HSH2D: variants seen among roughly 807,000 people sequenced by gnomAD.
The protein encoded by HSH2D is hematopoietic SH2 domain-containing protein.
Under a neutral mutation model 21.5 loss-of-function variants are expected in HSH2D, and 16 were observed. That is an observed-to-expected ratio of 0.74 (90% confidence interval 0.50 to 1.13). The LOEUF is 1.13. HSH2D is among the 50% of genes most tolerant of loss of function. The pLI is 0.00. For missense variants in HSH2D, 418 were observed against 441.4 expected, an observed-to-expected ratio of 0.95 and a Z score of 0.47; for synonymous variants, 172 against 184.7, an observed-to-expected ratio of 0.93 and a Z score of 0.56.
Position 16,157,992 on chromosome 19 carries a change from A to G in HSH2D, c.*198A>G. ...TGGTTATTTTAGCAACAATCATCAGAGTGACGCTGATGGTTTGGGGCACCA... is the reference window on the plus strand; with the variant it reads ...TGGTTATTTTAGCAACAATCATCAGGGTGACGCTGATGGTTTGGGGCACCA... On this transcript the variant is annotated 3_prime_UTR_variant, in exon 6 of 6. Coordinates refer to ENST00000613986, the MANE Select transcript of HSH2D (RefSeq NM_001382417.1). The surrounding 1 kb of genome is among the most constrained non-coding windows in gnomAD (Gnocchi z 4.4). The G allele has an allele frequency of 1.8e-6, 1 of 544,594 alleles. No individual in the cohort carries two copies. Among genetic ancestry groups the G allele is most frequent in the Non-Finnish European group, 3.2e-6 (1 of 308,802 alleles). The allele number at this position is 544,594 out of a possible 1,614,324, so 33.7% of individuals were successfully genotyped here.
At chr19:16,147,062 G>T (rs1191792242) in intron 1 of HSH2D, among the ~76,000 whole-genome samples, 1 of 152,048 alleles carries the variant, frequency 6.6e-6, no homozygotes, top group Non-Finnish European at 1.5e-5. Flanking sequence ...CTGACCTCAG[G>T]TGATCCACCT....
intron 2 of HSH2D, among the ~76,000 whole-genome samples, chr19:16,151,914 T>C: frequency 7.2e-6 from 1 of 138,672 alleles, no homozygotes; most frequent in East Asian, 2.1e-4. Flanking sequence ...GAGACCAGCC[T>C]GGCCAACATG....
rs574799857 is a variant in HSH2D at position 16,134,866 on chromosome 19, A to G, written c.-324+631A>G. 2.2e-4 allele frequency among the ~76,000 whole-genome samples: 34 copies of G among 152,132 alleles called. 1 individual carries two copies. The highest frequency in any genetic ancestry group is 1.4e-3 in the Admixed American group (22 of 15,272). On this transcript the variant is annotated intron_variant, in intron 1 of 7. Transcript: ENST00000616645. ...GCTGGGGTGTGTGGCTTATGCCTATAATCCCAGTGCCTTGAGAGGCAGAGG... is the reference window on the plus strand; with the variant it reads ...GCTGGGGTGTGTGGCTTATGCCTATGATCCCAGTGCCTTGAGAGGCAGAGG...
rs36088948 is a variant in HSH2D at position 16,154,431 on chromosome 19, C to T, written c.414C>T (p.Leu138=). 106,674 of 1,551,406 alleles carry T rather than the reference C, an allele frequency of 0.069. 4,352 individuals carry two copies. Among genetic ancestry groups the T allele is most frequent in the African/African-American group, 0.14 (10,374 of 73,088 alleles). The part of the protein sequence containing the change: ...KDPANVDYED[L]FLYSNAVAEE... ...CCGCAAACGTGGATTACGAGGATCTCTTCCTCTACTCCAACGCAGTGGCCG... is the reference window on the plus strand; with the variant it reads ...CCGCAAACGTGGATTACGAGGATCTTTTCCTCTACTCCAACGCAGTGGCCG... Residue 138 remains leucine (L), a synonymous_variant, in exon 5 of 6, where the codon CTC becomes CTT. Coordinates refer to ENST00000613986, the MANE Select transcript of HSH2D (RefSeq NM_001382417.1).
At chr19:16,145,300 C>T (rs904026158) in intron 1 of HSH2D, among the ~76,000 whole-genome samples, 7 of 152,014 alleles carry the variant, frequency 4.6e-5, no homozygotes, top group Admixed American at 1.3e-4. Context: ...GCAACCTCCG[C>T]CTCCCAGATT....
upstream of HSH2D, among the ~76,000 whole-genome samples, chr19:16,140,148 G>C (rs2090990541): frequency 6.6e-6 from 1 of 151,870 alleles, no homozygotes; most frequent in South Asian, 2.1e-4. Context: ...GAAGTGAAGT[G>C]AAGTGAAGGC....
chr19:16,138,152 G>A (rs1269089509), intron 1 of HSH2D, among the ~76,000 whole-genome samples: 4 of 152,136 alleles, frequency 2.6e-5, no homozygotes, highest in Admixed American at 2.6e-4. Flanking sequence ...ACAGGTGTGA[G>A]CCACCGTGTC....
At chr19:16,144,848 A>T (rs1330018873) in intron 1 of HSH2D, among the ~76,000 whole-genome samples, 1 of 144,284 alleles carries the variant, frequency 6.9e-6, no homozygotes, top group Non-Finnish European at 1.5e-5. Flanking sequence ...GCCCGCCACC[A>T]CACCCAGCTA....
intron 2 of HSH2D, among the ~76,000 whole-genome samples, chr19:16,151,114 A>G (rs2091142821): frequency 6.6e-6 from 1 of 152,132 alleles, no homozygotes; most frequent in Admixed American, 6.6e-5. Flanking sequence ...ACCAGAGGTC[A>G]GGAGCTCGAG....
chr19:16,154,599 A>G (rs1397536802), intron 5 of HSH2D, 108 bp downstream of exon 5: 1 of 630,012 alleles, frequency 1.6e-6, no homozygotes, highest in Non-Finnish European at 2.8e-6. Context: ...ATGCGATCCT[A>G]CAGCTTGGTG....
chr19:16,135,144 C>T (rs569540191), intron 1 of HSH2D, among the ~76,000 whole-genome samples: 21 of 152,104 alleles, frequency 1.4e-4, no homozygotes, highest in African/African-American at 3.9e-4. Context: ...TGGTTGCACG[C>T]GCCTGTAGTC....
intron 4 of HSH2D, 149 bp from the exon 5 acceptor site, chr19:16,154,250 G>A: frequency 1.8e-6 from 1 of 540,792 alleles, no homozygotes; most frequent in Non-Finnish European, 3.3e-6. Context: ...CTGTGGGTGG[G>A]GCATATTTTC....
rs531173054 is a variant in HSH2D at position 16,157,334 on chromosome 19, G to A, written c.599G>A (p.Arg200His). 20 of 1,613,760 alleles carry A rather than the reference G, an allele frequency of 1.2e-5. 1 individual carries two copies. Among genetic ancestry groups the A allele is most frequent in the Admixed American group, 6.7e-5 (4 of 59,962 alleles). Residue 200 changes from arginine to histidine, a missense_variant, in exon 6 of 6, where the codon CGC (arginine) becomes CAC (histidine). Physicochemically the swap from Arg to His is conservative, Grantham distance 29. Transcript: ENST00000613986. This position sits in a 1 kb window ranked among gnomAD's most constrained non-coding sequence, Gnocchi z 4.4. Reference protein sequence around the residue: ...CPPKSPLGETRQKLWRSLKML... With the variant: ...CPPKSPLGETHQKLWRSLKML... Reference sequence around the variant, plus strand: ...CCAAAATCCCCTCTTGGAGAGACCCGCCAGAAACTCTGGAGGAGCCTCAAA... The same window carrying A: ...CCAAAATCCCCTCTTGGAGAGACCCACCAGAAACTCTGGAGGAGCCTCAAA...
chr19:16,139,937 G>A (rs1018923921), upstream of HSH2D: 1 of 152,216 alleles, frequency 6.6e-6, no homozygotes, highest in African/African-American at 2.4e-5. Flanking sequence ...GGGTGATTCT[G>A]TTGCGACATC....
At chr19:16,142,814 C>T (rs1331973522), upstream of HSH2D, among the ~76,000 whole-genome samples, 1 of 151,556 alleles carries the variant, frequency 6.6e-6, no homozygotes, top group Admixed American at 6.6e-5. Context: ...CCTCTGTCAT[C>T]CAGGCTAAAG....
chr19:16,144,516 C>CTA (rs146094285), intron 1 of HSH2D, among the ~76,000 whole-genome samples: 2,877 of 151,832 alleles, frequency 0.019, 93 homozygotes, highest in African/African-American at 0.066. Flanking sequence ...ATATATATCT[C>CTA]TATATATACA....
At chr19:16,135,466 G>T (rs1966499152) in intron 1 of HSH2D, among the ~76,000 whole-genome samples, 1 of 151,830 alleles carries the variant, frequency 6.6e-6, no homozygotes, top group Admixed American at 6.6e-5. Flanking sequence ...TCTTCCTTGG[G>T]CTTAGGGATA....
chr19:16,150,565 G>T (rs139341071), intron 2 of HSH2D, among the ~76,000 whole-genome samples: 1 of 151,672 alleles, frequency 6.6e-6, no homozygotes, highest in African/African-American at 2.4e-5. Flanking sequence ...AACTGGGCAC[G>T]GTGGCACGTG....
At chr19:16,140,414 G>C (rs2090992059), upstream of HSH2D, among the ~76,000 whole-genome samples, 1 of 152,152 alleles carries the variant, frequency 6.6e-6, no homozygotes, top group South Asian at 2.1e-4. Context: ...AGACCAACCT[G>C]GCCAACATGG....
Sources: gnomAD v4.1 joint callset for allele counts (sites outside exome capture counted in the v4.1 genomes callset) on GRCh38, gnomAD v4.1.1 for gene constraint, Gnocchi (gnomAD v3.1) non-coding constraint, MANE v1.5 for transcripts, NCBI Gene and HGNC (gene_info 2026-07-23, HGNC 2026-07-21) for gene names.